The following ERGIC1 variants were observed in gnomAD, a reference collection of about 807,000 sequenced individuals.
ERGIC1 encodes the protein endoplasmic reticulum-golgi intermediate compartment 1.
In ERGIC1, 19 loss-of-function variants were observed where a neutral mutation model predicts 38.3. The ratio of observed to expected loss-of-function variants is 0.50; its 90% confidence interval spans 0.35 to 0.73. The LOEUF (loss-of-function observed/expected upper bound fraction) is 0.73. Ranked by LOEUF, ERGIC1 falls within the 30% of genes least tolerant of loss-of-function variation. ERGIC1 has a pLI of 0.01. For missense variants in ERGIC1, 294 were observed against 389.2 expected (o/e 0.76, Z 2.06); for synonymous variants, 124 against 157.6 (o/e 0.79, Z 1.60).
At chr5:172,885,430 A>G (rs1762393175) in intron 1 of ERGIC1, among the ~76,000 whole-genome samples, 1 of 152,040 alleles carries the variant, frequency 6.6e-6, no homozygotes, top group Non-Finnish European at 1.5e-5. Flanking sequence ...CATCGTGTAC[A>G]GCAGTTTCTG....
At chr5:172,848,570 G>T (rs1761333169) in intron 1 of ERGIC1, among the ~76,000 whole-genome samples, 3 of 152,180 alleles carry the variant, frequency 2.0e-5, no homozygotes, top group Admixed American at 6.5e-5. Context: ...ATTTGTTTGT[G>T]CAGTTTGTCA....
chr5:172,876,034 T>G (rs1049289249), intron 1 of ERGIC1, among the ~76,000 whole-genome samples: 10 of 152,196 alleles, frequency 6.6e-5, no homozygotes, highest in African/African-American at 2.4e-4. Flanking sequence ...CAAGAAGCAT[T>G]CCTGGGTACT....
At chr5:172,843,070 C>T (rs1185163443) in intron 1 of ERGIC1, among the ~76,000 whole-genome samples, 1 of 152,088 alleles carries the variant, frequency 6.6e-6, no homozygotes, top group Non-Finnish European at 1.5e-5. Context: ...CTTGAACCTC[C>T]GGGAGGCGGA....
intron 2 of ERGIC1, among the ~76,000 whole-genome samples, chr5:172,893,939 A>ATATATATATATATATATATATG (rs1249616716): frequency 7.8e-4 from 28 of 35,800 alleles, no homozygotes; most frequent in Admixed American, 1.6e-3. Flanking sequence ...GTGTGTGTAT[A>ATATATATATATATATATATATG]TATATATATA....
At chr5:172,840,436 C>T (rs1761132833) in intron 1 of ERGIC1, among the ~76,000 whole-genome samples, 2 of 152,154 alleles carry the variant, frequency 1.3e-5, no homozygotes, top group South Asian at 2.1e-4. Flanking sequence ...GAGGCTTACC[C>T]GGTACATCTA....
At chr5:172,908,748 CAATA>C (rs1439973244) in intron 3 of ERGIC1, among the ~76,000 whole-genome samples, 2 of 152,180 alleles carry the variant, frequency 1.3e-5, no homozygotes, top group East Asian at 3.9e-4. Flanking sequence ...AAGCATAAGA[CAATA>C]AATGTGTGTT....
chr5:172,949,762 G>A (rs748981034), intron 9 of ERGIC1, among the ~76,000 whole-genome samples: 6 of 152,150 alleles, frequency 3.9e-5, no homozygotes, highest in Non-Finnish European at 8.8e-5. Context: ...AATGTCAATG[G>A]TGCCATTAGA....
intron 1 of ERGIC1, among the ~76,000 whole-genome samples, chr5:172,872,584 G>A (rs1347427651): frequency 1.3e-5 from 2 of 152,148 alleles, no homozygotes; most frequent in Non-Finnish European, 2.9e-5. Context: ...GGAGGCCGAG[G>A]CAGGTGGATC....
intron 1 of ERGIC1, among the ~76,000 whole-genome samples, chr5:172,857,799 G>T (rs1316485822): frequency 6.6e-6 from 1 of 152,094 alleles, no homozygotes; most frequent in Non-Finnish European, 1.5e-5. Flanking sequence ...GGAGTGAGAG[G>T]AGTAAAATCG....
Position 172,891,529 on chromosome 5 carries a change from C to T in ERGIC1, c.82+2769C>T, listed in dbSNP as rs1464908079. On this transcript the variant is annotated intron_variant, in intron 2 of 9. Transcript: ENST00000393784. ...TCTCGGTTCACTGCAACTTCTGCCTCCCGGGTTCAAGCAATTCTTGTGCCT... is the reference window on the plus strand; with the variant it reads ...TCTCGGTTCACTGCAACTTCTGCCTTCCGGGTTCAAGCAATTCTTGTGCCT... Among the ~76,000 whole-genome samples, 4 of 151,286 alleles carry T rather than the reference C, an allele frequency of 2.6e-5. No individual in the cohort carries two copies. The East Asian group carries it at 7.8e-4, about 29-fold the overall frequency.
intron 3 of ERGIC1, among the ~76,000 whole-genome samples, chr5:172,906,798 G>A (rs1161376057): frequency 4.6e-5 from 7 of 152,072 alleles, no homozygotes; most frequent in South Asian, 2.1e-4. Context: ...CCCTTCAGCC[G>A]CCCCCTAGGC....
At chr5:172,913,107 A>G (rs1763249963) in intron 4 of ERGIC1, among the ~76,000 whole-genome samples, 2 of 152,232 alleles carry the variant, frequency 1.3e-5, no homozygotes, top group Non-Finnish European at 2.9e-5. Flanking sequence ...AGCCTGTGAT[A>G]GAAGAGGAAA....
At chr5:172,925,430 A>G (rs1763629560) in intron 6 of ERGIC1, among the ~76,000 whole-genome samples, 1 of 152,118 alleles carries the variant, frequency 6.6e-6, no homozygotes, top group African/African-American at 2.4e-5. Context: ...TTGTTGAGAA[A>G]TTGCAGTTCC....
chr5:172,868,019 C>T (rs1230491709), intron 1 of ERGIC1, among the ~76,000 whole-genome samples: 2 of 152,180 alleles, frequency 1.3e-5, no homozygotes, highest in African/African-American at 4.8e-5. Flanking sequence ...TGTCTCTACT[C>T]CCCTCCATGC....
At chr5:172,878,106 G>A (rs563541279) in intron 1 of ERGIC1, among the ~76,000 whole-genome samples, 1 of 152,368 alleles carries the variant, frequency 6.6e-6, no homozygotes, top group African/African-American at 2.4e-5. Context: ...TTTGTGGTCA[G>A]AAAGGGTTAT....
At chr5:172,930,611 G>A (rs1455057785) in intron 7 of ERGIC1, among the ~76,000 whole-genome samples, 1 of 152,126 alleles carries the variant, frequency 6.6e-6, no homozygotes, top group African/African-American at 2.4e-5. Context: ...CCTAAGTGCT[G>A]GGATTACAGG....
chr5:172,852,611 GC>G (rs1277191803), intron 1 of ERGIC1, among the ~76,000 whole-genome samples: 4 of 152,216 alleles, frequency 2.6e-5, no homozygotes, highest in Admixed American at 6.5e-5. Context: ...GACACTGAAA[GC>G]CCTTTTTAAA....
chr5:172,873,785 T>G (rs1762076778), intron 1 of ERGIC1, among the ~76,000 whole-genome samples: 1 of 152,192 alleles, frequency 6.6e-6, no homozygotes, highest in Non-Finnish European at 1.5e-5. Context: ...GTAGGGAAGA[T>G]TCTGTGGACA....
chr5:172,914,393 C>T (rs1763296403), intron 4 of ERGIC1, among the ~76,000 whole-genome samples: 1 of 152,172 alleles, frequency 6.6e-6, no homozygotes, highest in African/African-American at 2.4e-5. Flanking sequence ...CAATTATGGT[C>T]AGCCCCCCAT....
Sources: gnomAD v4.1 joint callset for allele counts (sites outside exome capture counted in the v4.1 genomes callset) on GRCh38, gnomAD v4.1.1 for gene constraint, MANE v1.5 for transcripts, NCBI Gene and HGNC (gene_info 2026-07-23, HGNC 2026-07-21) for gene names.